Variants in ESRRG observed in about 807,000 individuals in gnomAD.
ESRRG encodes the protein estrogen related receptor gamma, also known as estrogen-related receptor gamma.
ESRRG carries 13 observed loss-of-function variants against 44.0 expected under a neutral mutation model. That is an observed-to-expected ratio of 0.30 (90% CI 0.19 to 0.47). The LOEUF (loss-of-function observed/expected upper bound fraction) is 0.47. ESRRG is among the 20% of genes least tolerant of loss of function. The pLI is 1.00. For synonymous variants in ESRRG, 215 were observed against 214.6 expected (o/e 1.00, Z -0.02); for missense variants, 395 against 580.6 (o/e 0.68, Z 3.29).
chr1:217,131,983 G>T (rs550565199), intron 1 of ESRRG, among the ~76,000 whole-genome samples: 23 of 152,100 alleles, frequency 1.5e-4, no homozygotes, highest in Non-Finnish European at 2.5e-4. Flanking sequence ...CTTAGAAAAA[G>T]AAATCCCAAT....
chr1:216,840,557 A>G (rs2095636405), intron 2 of ESRRG, among the ~76,000 whole-genome samples: 1 of 152,194 alleles, frequency 6.6e-6, no homozygotes, highest in Non-Finnish European at 1.5e-5. Flanking sequence ...TAACTGGTGC[A>G]AGAGACCTAG....
chr1:216,736,334 C>A (rs1188389648), intron 2 of ESRRG, among the ~76,000 whole-genome samples: 3 of 151,778 alleles, frequency 2.0e-5, no homozygotes, highest in Non-Finnish European at 2.9e-5. Context: ...CAGCCGTCCG[C>A]CACCACGCCC....
chr1:216,505,656 G>A lies in ESRRG; in HGVS notation c.*1283C>T, dbSNP rs1037405178. 3.3e-5 allele frequency: 5 copies of A among 152,484 alleles called. No homozygotes were observed. Among genetic ancestry groups the A allele is most frequent in the Admixed American group, 2.6e-4 (4 of 15,260 alleles). 9.4% of individuals were successfully genotyped at this position (152,484 alleles called of 1,614,324 possible). On this transcript the variant is annotated 3_prime_UTR_variant, in exon 7 of 7. Transcript: ENST00000408911. Reference sequence around the variant, plus strand: ...AATTCTACGGATCTATATCTCATGTGCAGTGCTTATATATGTGACTACTCA... The same window carrying A: ...AATTCTACGGATCTATATCTCATGTACAGTGCTTATATATGTGACTACTCA...
chr1:217,082,671 C>G (rs1332352714), intron 1 of ESRRG, among the ~76,000 whole-genome samples: 1 of 151,130 alleles, frequency 6.6e-6, no homozygotes, highest in Non-Finnish European at 1.5e-5. Context: ...CCCCACCCCA[C>G]ACACACACAC....
intron 1 of ESRRG, chr1:217,000,531 T>G (rs758106460): frequency 3.3e-5 from 5 of 152,210 alleles, no homozygotes; most frequent in African/African-American, 7.2e-5. Flanking sequence ...GCAAAGACCC[T>G]ACTTCCGTAA....
chr1:216,787,530 G>C (rs2148010682), intron 2 of ESRRG, among the ~76,000 whole-genome samples: 1 of 149,836 alleles, frequency 6.7e-6, no homozygotes, highest in East Asian at 2.0e-4. Context: ...TTGAACCTGG[G>C]AGGCAGAGGT....
chr1:216,712,249 C>T (rs56262359), intron 1 of ESRRG, among the ~76,000 whole-genome samples: 2,910 of 152,250 alleles, frequency 0.019, 90 homozygotes, highest in African/African-American at 0.066. Flanking sequence ...TATGGTCCCC[C>T]TTTGGTGAAG....
At chr1:216,574,981 AGG>A in intron 3 of ESRRG, among the ~76,000 whole-genome samples, 1 of 152,250 alleles carries the variant, frequency 6.6e-6, no homozygotes, top group East Asian at 1.9e-4. Flanking sequence ...GATTTCTATG[AGG>A]GAACCATCAT....
rs1458921639 is a variant in ESRRG, at chr1:216,557,061, C to A, written c.862+7158G>T. On this transcript the variant is annotated intron_variant, in intron 5 of 6. Coordinates refer to ENST00000408911, the MANE Select transcript of ESRRG (RefSeq NM_001438.4). The stretch of plus-strand genomic sequence containing the variant: ...CCAGTGATCTGAAGAGAGTCAGAGA[C>A]AGGGAGCATCCAGTCTTAGCAACCA... Among the ~76,000 whole-genome samples the A allele has an allele frequency of 3.9e-5, 6 of 152,290 alleles. No homozygotes were observed. The East Asian group carries it at 5.8e-4, about 15-fold the overall frequency.
intron 2 of ESRRG, among the ~76,000 whole-genome samples, chr1:216,914,637 C>T (rs2060910884): frequency 6.6e-6 from 1 of 152,136 alleles, no homozygotes; most frequent in Non-Finnish European, 1.5e-5. Context: ...TTAATAGTGC[C>T]AGTGGTTTGA....
intron 1 of ESRRG, among the ~76,000 whole-genome samples, chr1:217,104,385 A>G (rs565452872): frequency 2.0e-5 from 3 of 152,318 alleles, no homozygotes; most frequent in African/African-American, 7.2e-5. Flanking sequence ...TCAACATGGT[A>G]AAGTGGAAAA....
intron 5 of ESRRG, among the ~76,000 whole-genome samples, chr1:216,560,275 C>A (rs1018858609): frequency 3.3e-5 from 5 of 152,064 alleles, no homozygotes; most frequent in African/African-American, 1.2e-4. Flanking sequence ...GTAACTGAGG[C>A]CCCCCAAACT....
chr1:217,054,008 G>A (rs1432594846), intron 1 of ESRRG, among the ~76,000 whole-genome samples: 2 of 149,410 alleles, frequency 1.3e-5, no homozygotes. Flanking sequence ...GCTTACTGCT[G>A]ACATGTTTGG....
chr1:217,046,920 A>G (rs2084992208), intron 1 of ESRRG, among the ~76,000 whole-genome samples: 1 of 152,124 alleles, frequency 6.6e-6, no homozygotes, highest in Admixed American at 6.5e-5. Flanking sequence ...GATATGCAAC[A>G]TCATTGGAAA....
intron 2 of ESRRG, among the ~76,000 whole-genome samples, chr1:216,876,071 T>C (rs1199932898): frequency 6.6e-6 from 1 of 152,142 alleles, no homozygotes; most frequent in Non-Finnish European, 1.5e-5. Flanking sequence ...CCTTCTAAAC[T>C]GATAAAGCTG....
intron 2 of ESRRG, among the ~76,000 whole-genome samples, chr1:216,787,224 A>T (rs1289502960): frequency 1.3e-5 from 2 of 152,076 alleles, no homozygotes; most frequent in Non-Finnish European, 2.9e-5. Context: ...GAACTGCTCC[A>T]ACTGGCCATT....
At chr1:216,921,322 C>T (rs942290884) in intron 2 of ESRRG, among the ~76,000 whole-genome samples, 6 of 152,110 alleles carry the variant, frequency 3.9e-5, no homozygotes, top group African/African-American at 1.4e-4. Context: ...TGCGCTCCCT[C>T]TGTGTTCCAT....
intron 1 of ESRRG, among the ~76,000 whole-genome samples, chr1:216,994,914 A>T (rs1029518741): frequency 6.6e-6 from 1 of 151,954 alleles, no homozygotes; most frequent in African/African-American, 2.4e-5. Context: ...TTTGCCTACA[A>T]CCCTCAGTGA....
chr1:216,585,806 C>T (rs1474753078), intron 3 of ESRRG, among the ~76,000 whole-genome samples: 3 of 151,930 alleles, frequency 2.0e-5, no homozygotes, highest in East Asian at 1.9e-4. Context: ...TTTGGGAGGC[C>T]GAGGTGGGCG....
Sources: gnomAD v4.1 joint callset for allele counts (sites outside exome capture counted in the v4.1 genomes callset) on GRCh38, gnomAD v4.1.1 for gene constraint, MANE v1.5 for transcripts, NCBI Gene and HGNC (gene_info 2026-07-23, HGNC 2026-07-21) for gene names.